The following GLUD1 variants were observed in gnomAD, a reference collection of about 807,000 sequenced individuals.
GLUD1 encodes the protein glutamate dehydrogenase 1.
GLUD1 carries 22 observed loss-of-function variants against 56.0 expected under a neutral mutation model. The ratio of observed to expected loss-of-function variants is 0.39; its 90% CI spans 0.28 to 0.56. GLUD1 has a LOEUF of 0.56. Among genes scored for constraint, GLUD1 ranks in the 20% least tolerant of loss-of-function variants. The pLI is 0.58. For missense variants in GLUD1, 451 were observed against 732.0 expected (o/e 0.62, Z 4.43); for synonymous variants, 223 against 269.9 (o/e 0.83, Z 1.70).
At position 87,061,845 on chromosome 10, in the gene GLUD1, G is replaced by T. The variant is rs187673071; in HGVS notation, c.922-793C>A. Among the ~76,000 whole-genome samples, 114 of 150,180 alleles carry T rather than the reference G, an allele frequency of 7.6e-4. 2 individuals are homozygous for T. In the East Asian group the frequency reaches 0.02, roughly 26 times the overall value. On this transcript the variant is annotated intron_variant, in intron 6 of 12. Coordinates refer to ENST00000277865, the MANE Select transcript of GLUD1 (RefSeq NM_005271.5). ...GTCACCCAGGCTGGAGTGCAGTGGC[G>T]CAATCTCGGCTCACTGCAAGCTCCA...
At chr10:87,087,275 G>T (rs538572152) in intron 1 of GLUD1, among the ~76,000 whole-genome samples, 22 of 152,250 alleles carry the variant, frequency 1.4e-4, no homozygotes, top group South Asian at 1.2e-3. Flanking sequence ...AATTTGGAGG[G>T]TACCACCCTA....
chr10:87,084,684 A>T (rs185314660), intron 1 of GLUD1, among the ~76,000 whole-genome samples: 2 of 152,332 alleles, frequency 1.3e-5, no homozygotes, highest in Non-Finnish European at 2.9e-5. Context: ...TGATTTATTC[A>T]TCAGAAATCT....
chr10:87,056,018 A>C (rs1193823929), intron 11 of GLUD1, among the ~76,000 whole-genome samples: 5 of 147,664 alleles, frequency 3.4e-5, no homozygotes. Flanking sequence ...CAGGAGGCTA[A>C]GGCAGGAGAA....
At chr10:87,075,466 A>T (rs1446974963) in intron 3 of GLUD1, among the ~76,000 whole-genome samples, 1 of 152,150 alleles carries the variant, frequency 6.6e-6, no homozygotes, top group Non-Finnish European at 1.5e-5. Flanking sequence ...GGATATAGAT[A>T]TTAAGTAGGT....
chr10:87,082,592 G>A (rs1234022838), intron 1 of GLUD1, among the ~76,000 whole-genome samples: 1 of 152,220 alleles, frequency 6.6e-6, no homozygotes, highest in African/African-American at 2.4e-5. Flanking sequence ...GGGACAGGGA[G>A]GGGATAGAAA....
chr10:87,081,211 C>T (rs1841239415), intron 1 of GLUD1, among the ~76,000 whole-genome samples: 1 of 146,678 alleles, frequency 6.8e-6, no homozygotes, highest in South Asian at 2.2e-4. Context: ...GTCAGCCCCC[C>T]GCCCGGCCAG....
chr10:87,056,653 T>C (rs1459827886), intron 11 of GLUD1, among the ~76,000 whole-genome samples: 1 of 152,106 alleles, frequency 6.6e-6, no homozygotes, highest in Non-Finnish European at 1.5e-5. Context: ...TTTGAATTAT[T>C]TTCTTAGGAT....
intron 4 of GLUD1, among the ~76,000 whole-genome samples, chr10:87,070,730 C>T (rs963883913): frequency 6.6e-6 from 1 of 152,044 alleles, no homozygotes; most frequent in African/African-American, 2.4e-5. Flanking sequence ...ACATGCTAAA[C>T]GTGAAACAGC....
intron 8 of GLUD1, 37 bp from the exon 9 acceptor site, chr10:87,060,278 C>T (rs1321203098): frequency 7.3e-7 from 1 of 1,369,394 alleles, no homozygotes; most frequent in Non-Finnish European, 1.0e-6. Context: ...AATGCGAACA[C>T]CACCGTCAAA....
intron 11 of GLUD1, among the ~76,000 whole-genome samples, chr10:87,056,754 G>A (rs992988644): frequency 7.9e-5 from 12 of 151,820 alleles, no homozygotes; most frequent in South Asian, 2.1e-4. Flanking sequence ...AATCTACACC[G>A]TCACTAGAAT....
In GLUD1 at chr10:87,094,448, T is replaced by G. The variant is rs922921019; in HGVS notation, c.322A>C (p.Ile108Leu). The change falls in exon 1 of 13, where the codon ATC becomes CTC. Residue 108 changes from isoleucine to leucine, a missense_variant. By Grantham distance (5) the Ile-to-Leu change is conservative. Around this residue, in one of 4 missense-constraint regions of GLUD1, gnomAD observed 158 missense variants for 189.7 expected, o/e 0.83. Coordinates refer to ENST00000277865, the MANE Select transcript of GLUD1 (RefSeq NM_005271.5). The surrounding 1 kb of genome is among the most constrained non-coding windows in gnomAD (Gnocchi z 6.6). ...KRNRVRGILRIIKPCNHVLSL... is the reference protein window; with the variant it reads ...KRNRVRGILRLIKPCNHVLSL... ...AGCACATGGTTGCAGGGCTTGATGA[T>G]CCGCAGGATGCCGCGCACCCGGTTC... The G allele has an allele frequency of 6.2e-7, 1 of 1,613,598 alleles. No homozygotes were observed. Among genetic ancestry groups the G allele is most frequent in the Non-Finnish European group, 8.5e-7 (1 of 1,179,950 alleles).
chr10:87,058,967 GGA>G (rs1845860871), intron 10 of GLUD1, among the ~76,000 whole-genome samples, 181 bp downstream of exon 10: 1 of 152,158 alleles, frequency 6.6e-6, no homozygotes, highest in Admixed American at 6.5e-5. Flanking sequence ...ATAATATATG[GGA>G]GAGTTAATAT....
chr10:87,060,197 G>A lies in GLUD1; in HGVS notation c.1242C>T (p.Asp414=), dbSNP rs138169430. Residue 414 remains aspartate (D), a synonymous_variant, in exon 9 of 13, where the codon GAC becomes GAT. Transcript: ENST00000277865. ...TAATGTTTCTCTCCAGGAAGATCTTGTCAGCTTCTGGAGTTGTTGGCCCAT... is the reference window on the plus strand; with the variant it reads ...TAATGTTTCTCTCCAGGAAGATCTTATCAGCTTCTGGAGTTGTTGGCCCAT... ...GANGPTTPEA[D]KIFLERNIMV... is the part of the protein sequence containing the mutation. The A allele has an allele frequency of 6.2e-7, 1 of 1,610,866 alleles. No homozygotes were observed. The highest frequency in any genetic ancestry group is 8.5e-7 in the Non-Finnish European group (1 of 1,177,022).
At chr10:87,064,044 A>AT (rs555671657) in intron 5 of GLUD1, among the ~76,000 whole-genome samples, 2 of 152,090 alleles carry the variant, frequency 1.3e-5, no homozygotes, top group South Asian at 2.1e-4. Flanking sequence ...CGCCCGGCTA[A>AT]TTTTTTTGTA....
At position 87,050,367 on chromosome 10, in the gene GLUD1, A is replaced by G. The variant is rs1041924756; in HGVS notation, c.*1384T>C. Reference sequence around the variant, plus strand: ...GAATAAAATCTGGGCAGCTCACAATAAAGTGGAAGGAAATGTTATACAGGT... The same window carrying G: ...GAATAAAATCTGGGCAGCTCACAATGAAGTGGAAGGAAATGTTATACAGGT... On this transcript the variant is annotated 3_prime_UTR_variant, in exon 13 of 13. Transcript: ENST00000277865. 1.3e-5 allele frequency: 2 copies of G among 152,168 alleles called. No homozygotes were observed. The highest frequency in any genetic ancestry group is 4.8e-5 in the African/African-American group (2 of 41,454). 9.4% of individuals were successfully genotyped at this position (152,168 alleles called of 1,614,324 possible). A position where few individuals can be genotyped will look rare whatever the true frequency, so the allele number is the denominator to read the frequency against.
At chr10:87,081,018 T>G (rs1328554270) in intron 1 of GLUD1, among the ~76,000 whole-genome samples, 36 of 54,602 alleles carry the variant, frequency 6.6e-4, no homozygotes, top group African/African-American at 7.4e-4. Flanking sequence ...GGGAGGGAGG[T>G]GGGGGGTCAG....
At chr10:87,093,805 A>C (rs1415700073) in intron 1 of GLUD1, 1 of 682,608 alleles carries the variant, frequency 1.5e-6, no homozygotes, top group African/African-American at 1.9e-5. Context: ...TTGGTTAATA[A>C]AACTGTCTAG....
In GLUD1 at chr10:87,094,708, G is replaced by C; in HGVS notation, c.62C>G (p.Ser21Trp). The change falls in exon 1 of 13, where the codon TCG (serine) becomes TGG (tryptophan). Residue 21 changes from serine to tryptophan, a missense_variant. Ser to Trp is a radical substitution (Grantham distance 177, BLOSUM62 -3). This residue lies in a region of GLUD1 where 158 missense variants were observed against 189.7 expected (regional missense o/e 0.83). Coordinates refer to ENST00000277865, the MANE Select transcript of GLUD1 (RefSeq NM_005271.5). This position sits in a 1 kb window ranked among gnomAD's most constrained non-coding sequence, Gnocchi z 6.6. ...LSRAGPAALG[S>W]ASADSAALLG... ...CAACGCGGCCGAGTCGGCGGACGCC[G>C]AGCCCAGGGCAGCGGGCCCGGCCCG... 6.6e-7 allele frequency: 1 copy of C among 1,504,674 alleles called. No individual in the cohort carries two copies. The allele number at this position is 1,504,674 out of a possible 1,614,324, so 93.2% of individuals were successfully genotyped here.
intron 11 of GLUD1, among the ~76,000 whole-genome samples, chr10:87,054,438 A>T (rs1200693396): frequency 2.0e-5 from 3 of 152,206 alleles, no homozygotes; most frequent in Non-Finnish European, 4.4e-5. Context: ...AGGTAGGGAG[A>T]AAACCAGGAG....
Sources: gnomAD v4.1 joint callset for allele counts (sites outside exome capture counted in the v4.1 genomes callset) on GRCh38, gnomAD v4.1.1 for gene constraint, gnomAD v4.1.1 regional missense constraint, Gnocchi (gnomAD v3.1) non-coding constraint, MANE v1.5 for transcripts, NCBI Gene and HGNC (gene_info 2026-07-23, HGNC 2026-07-21) for gene names.